The following RGL3 variants were observed in gnomAD, a reference collection of about 807,000 sequenced individuals.
RGL3 encodes the protein ral guanine nucleotide dissociation stimulator-like 3.
Under a neutral mutation model 90.6 loss-of-function variants are expected in RGL3, and 85 were observed. The ratio of observed to expected loss-of-function variants is 0.94; its 90% CI spans 0.79 to 1.12. The LOEUF is 1.12. RGL3 is among the 50% of genes most tolerant of loss of function. The pLI is 0.00. For synonymous variants in RGL3, 408 were observed against 385.5 expected (o/e 1.06, Z -0.68); for missense variants, 1,034 against 939.2 (o/e 1.10, Z -1.32).
rs1568335696 is a variant in RGL3, at chr19:11,399,782, T to TGCACACACACGTGCAC, written c.1746+57_1746+72dup. 3 of 853,460 alleles carry TGCACACACACGTGCAC rather than the reference T, an allele frequency of 3.5e-6. No individual in the cohort carries two copies. In the African/African-American group the frequency reaches 5.2e-5, roughly 15 times the overall value. 52.9% of individuals were successfully genotyped at this position (853,460 alleles called of 1,614,324 possible). On this transcript the variant is annotated intron_variant, in intron 16 of 18. Coordinates refer to ENST00000380456, the MANE Select transcript of RGL3 (RefSeq NM_001035223.4). The stretch of plus-strand genomic sequence containing the variant: ...ACAATCCTGTGTGTACACATGTGCA[T>TGCACACACACGTGCAC]GCACACACACGTGCACACACACAGA...
rs768489106 is a variant in RGL3, at chr19:11,402,478, T to G, written c.1306A>C (p.Thr436Pro). ...ACCTCCAACATATCCGGCAGGGCTG[T>G]GTCCAGCATAACCAGGTCCGTAAGG... ...TFLTDLVMLDTALPDMLEGDL... is the reference protein window; with the variant it reads ...TFLTDLVMLDPALPDMLEGDL... Residue 436 changes from threonine (T) to proline (P), a missense_variant, in exon 11 of 19, where the codon ACA becomes CCA. Physicochemically the swap from Thr to Pro is conservative, Grantham distance 38. Transcript: ENST00000380456. The G allele has an allele frequency of 8.7e-6, 14 of 1,603,864 alleles. No homozygotes were observed. The highest frequency in any genetic ancestry group is 1.1e-5 in the Non-Finnish European group (13 of 1,175,988).
intron 5 of RGL3, among the ~76,000 whole-genome samples, chr19:11,410,410 G>A (rs1030541851): frequency 6.6e-6 from 1 of 151,986 alleles, no homozygotes; most frequent in Non-Finnish European, 1.5e-5. Context: ...GTGGGTACTG[G>A]GCTGGGCACA....
intron 13 of RGL3, 74 bp from the exon 14 acceptor site, chr19:11,400,371 G>A: frequency 7.4e-7 from 1 of 1,350,652 alleles, no homozygotes; most frequent in Non-Finnish European, 9.9e-7. Context: ...GTTGGAATCA[G>A]TTGGGAGGTG....
intron 2 of RGL3, 160 bp downstream of exon 2, chr19:11,418,511 C>T (rs896649969): frequency 3.0e-5 from 18 of 600,398 alleles, no homozygotes; most frequent in Non-Finnish European, 5.2e-5. Context: ...ACTTACCTGG[C>T]CGCCCCCAGT....
chr19:11,412,573 A>G (rs1968892084), intron 5 of RGL3, among the ~76,000 whole-genome samples: 1 of 151,936 alleles, frequency 6.6e-6, no homozygotes, highest in Non-Finnish European at 1.5e-5. Context: ...TACATGGTGC[A>G]AGTGTAGTCT....
chr19:11,400,889 AAATAAATAAAT>A (rs1568336276), intron 13 of RGL3, among the ~76,000 whole-genome samples: 3 of 137,954 alleles, frequency 2.2e-5, no homozygotes, highest in African/African-American at 5.7e-5. Context: ...ATAAATAAAT[AAATAAATAAAT>A]AAAATAAAGT....
intron 2 of RGL3, 54 bp from the exon 3 acceptor site, chr19:11,417,113 C>T: frequency 7.5e-7 from 1 of 1,334,054 alleles, no homozygotes; most frequent in Non-Finnish European, 1.0e-6. Context: ...TCACAGCACC[C>T]CTTCTCTAGT....
At chr19:11,396,136 C>CTCTCTCTATATA (rs1367805487) in intron 18 of RGL3, among the ~76,000 whole-genome samples, 1 of 17,904 alleles carries the variant, frequency 5.6e-5, no homozygotes, top group African/African-American at 1.9e-4. Context: ...CTCTCTCTCT[C>CTCTCTCTATATA]TATATATATA....
Position 11,397,604 on chromosome 19 carries a change from G to A in RGL3, c.1747-7C>T. On this transcript the variant is annotated splice_region_variant and splice_polypyrimidine_tract_variant and intron_variant, in intron 16 of 18. Coordinates refer to ENST00000380456, the MANE Select transcript of RGL3 (RefSeq NM_001035223.4). ...GGTCCAGGCTCAGGGGCAGCTGCAGGCAGTAAGGGGTGGAGGCTACAGCTT... is the reference window on the plus strand; with the variant it reads ...GGTCCAGGCTCAGGGGCAGCTGCAGACAGTAAGGGGTGGAGGCTACAGCTT... The A allele has an allele frequency of 6.5e-7, 1 of 1,540,826 alleles. No homozygotes were observed. The highest frequency in any genetic ancestry group is 8.8e-7 in the Non-Finnish European group (1 of 1,140,638).
In RGL3 at chr19:11,406,563, A is replaced by G; in HGVS notation, c.852T>C (p.Ala284=). 1 of 1,550,534 alleles carries G rather than the reference A, an allele frequency of 6.4e-7. No individual in the cohort carries two copies. Residue 284 remains alanine (A), a synonymous_variant, in exon 7 of 19, where the codon GCT becomes GCC. Coordinates refer to ENST00000380456, the MANE Select transcript of RGL3 (RefSeq NM_001035223.4). ...SVWSQRDRPG[A]AGASPTVRAT... ...CGCGCACAGTGGGGGAGGCGCCTGCAGCCCCCGGCCGGTCCCTCTGCGACC... is the reference window on the plus strand; with the variant it reads ...CGCGCACAGTGGGGGAGGCGCCTGCGGCCCCCGGCCGGTCCCTCTGCGACC...
rs1182519739 is a variant in RGL3 at position 11,414,468 on chromosome 19, T to TATATAC, written c.637+1468_637+1469insGTATAT. On this transcript the variant is annotated intron_variant, in intron 5 of 18. Transcript: ENST00000380456. ...ATACATATATATATATACCTTCATA[T>TATATAC]ATATATATATATATACACCTTCATA... Among the ~76,000 whole-genome samples, 60 of 109,272 alleles carry TATATAC rather than the reference T, an allele frequency of 5.5e-4. 1 individual carries two copies. The highest frequency in any genetic ancestry group is 1.7e-3 in the South Asian group (6 of 3,632). The allele number at this position is 109,272 out of a possible 152,430, so 71.7% of individuals were successfully genotyped here. A position where few individuals can be genotyped will look rare whatever the true frequency, so the allele number is the denominator to read the frequency against.
Position 11,402,062 on chromosome 19 carries a change from G to A in RGL3, c.1433C>T (p.Pro478Leu), listed in dbSNP as rs370513538. Residue 478 changes from proline (P) to leucine (L), a missense_variant, in exon 13 of 19, where the codon CCG becomes CTG. Coordinates refer to ENST00000380456, the MANE Select transcript of RGL3 (RefSeq NM_001035223.4). ...GGCATGCAGGGCAGCCAGGATGGGCGGGTGGGGGCTCAGGGTGTAGCTCTG... is the reference window on the plus strand; with the variant it reads ...GGCATGCAGGGCAGCCAGGATGGGCAGGTGGGGGCTCAGGGTGTAGCTCTG... Reference protein sequence around the residue: ...RCQSYTLSPHPPILAALHAQN... With the variant: ...RCQSYTLSPHLPILAALHAQN... 78 of 1,576,114 alleles carry A rather than the reference G, an allele frequency of 4.9e-5. No homozygotes were observed. The highest frequency in any genetic ancestry group is 6.3e-5 in the Non-Finnish European group (73 of 1,161,036).
At chr19:11,401,889 G>C (rs1269652239) in intron 13 of RGL3, 122 bp downstream of exon 13, 33 of 1,272,534 alleles carry the variant, frequency 2.6e-5, no homozygotes, top group Non-Finnish European at 3.4e-5. Flanking sequence ...AGGTTGTAGT[G>C]GGGGATCAGG....
At chr19:11,412,762 C>T (rs549194486) in intron 5 of RGL3, among the ~76,000 whole-genome samples, 27 of 151,810 alleles carry the variant, frequency 1.8e-4, no homozygotes, top group East Asian at 5.9e-4. Flanking sequence ...ATCAGGAGAT[C>T]GAGACCATCT....
intron 18 of RGL3, among the ~76,000 whole-genome samples, chr19:11,395,515 G>T (rs567527324): frequency 6.2e-4 from 95 of 152,300 alleles, no homozygotes; most frequent in African/African-American, 2.2e-3. Flanking sequence ...TCTAAGCCCA[G>T]ATGCCCTTTA....
intron 5 of RGL3, 129 bp downstream of exon 5, chr19:11,415,808 G>A: frequency 1.2e-6 from 1 of 854,918 alleles, no homozygotes; most frequent in Non-Finnish European, 1.8e-6. Flanking sequence ...TAAAGATGAA[G>A]AAATTGAGGC....
At chr19:11,415,746 A>T (rs530526811) in intron 5 of RGL3, among the ~76,000 whole-genome samples, 191 bp downstream of exon 5, 2 of 151,478 alleles carry the variant, frequency 1.3e-5, no homozygotes, top group African/African-American at 4.9e-5. Context: ...AACTGCTGGG[A>T]TACAGGCGTG....
chr19:11,411,353 C>CT (rs34691489), intron 5 of RGL3: 16,116 of 151,530 alleles, frequency 0.11, 932 homozygotes, highest in South Asian at 0.23. Context: ...CTCACGGCAG[C>CT]TTTGATTTCC....
At chr19:11,412,742 GGATCACGA>G (rs1430918444) in intron 5 of RGL3, among the ~76,000 whole-genome samples, 1 of 152,012 alleles carries the variant, frequency 6.6e-6, no homozygotes, top group Non-Finnish European at 1.5e-5. Context: ...CGAGGCAAGC[GGATCACGA>G]GATCAGGAGA....
Sources: allele counts gnomAD v4.1 joint callset (sites outside exome capture counted in the v4.1 genomes callset), GRCh38; gene constraint gnomAD v4.1.1; transcripts MANE v1.5; gene names NCBI Gene and HGNC (gene_info 2026-07-23, HGNC 2026-07-21).